The following AIG1 variants were observed in gnomAD, a reference collection of about 807,000 sequenced individuals.
AIG1 encodes androgen-induced gene 1 protein.
Under a neutral mutation model 31.4 loss-of-function variants are expected in AIG1, and 23 were observed. The ratio of observed to expected loss-of-function variants is 0.73; its 90% CI spans 0.53 to 1.04. The LOEUF (loss-of-function observed/expected upper bound fraction) is 1.04. Among genes scored for constraint, AIG1 ranks in the 50% least tolerant of loss-of-function variants. The pLI, the probability that AIG1 is intolerant of heterozygous loss-of-function variation, is 0.00. For synonymous variants in AIG1, 100 were observed against 110.5 expected (o/e 0.90, Z 0.60); for missense variants, 274 against 295.0 (o/e 0.93, Z 0.52).
At chr6:143,272,510 C>T (rs1374593846) in intron 3 of AIG1, among the ~76,000 whole-genome samples, 8 of 152,160 alleles carry the variant, frequency 5.3e-5, no homozygotes, top group Non-Finnish European at 7.3e-5. Context: ...GTGTCCACAT[C>T]GCTTCTGTTA....
chr6:143,199,897 ATAT>A (rs1562483942), intron 3 of AIG1, among the ~76,000 whole-genome samples: 1 of 152,176 alleles, frequency 6.6e-6, no homozygotes, highest in Non-Finnish European at 1.5e-5. Context: ...CCTGGATTAG[ATAT>A]TATAAGCTTT....
chr6:143,071,263 C>A (rs933575189), intron 1 of AIG1, among the ~76,000 whole-genome samples: 1 of 152,166 alleles, frequency 6.6e-6, no homozygotes, highest in African/African-American at 2.4e-5. Context: ...TTACATGTAT[C>A]AGTAGTTCGT....
At chr6:143,073,128 A>G (rs1195196375) in intron 1 of AIG1, among the ~76,000 whole-genome samples, 2 of 152,302 alleles carry the variant, frequency 1.3e-5, no homozygotes, top group East Asian at 3.9e-4. Context: ...GAGACCATGC[A>G]ATATTTTTCT....
At position 143,284,665 on chromosome 6, in the gene AIG1, C is replaced by T. The variant is rs1048911985; in HGVS notation, c.515+440C>T. On this transcript the variant is annotated intron_variant, in intron 4 of 5. Transcript: ENST00000357847. This position sits in a 1 kb window ranked among gnomAD's most constrained non-coding sequence, Gnocchi z 4.4. ...GAAACAAGTGAAAATGTATGTTTTCCCTGGTCCATTTAAAACCTACTCCAG... is the reference window on the plus strand; with the variant it reads ...GAAACAAGTGAAAATGTATGTTTTCTCTGGTCCATTTAAAACCTACTCCAG... Among the ~76,000 whole-genome samples, 10 of 152,096 alleles carry T rather than the reference C, an allele frequency of 6.6e-5. No homozygotes were observed. Among genetic ancestry groups the T allele is most frequent in the Non-Finnish European group, 4.4e-5 (3 of 68,024 alleles).
At chr6:143,323,273 A>C (rs1412595028) in intron 4 of AIG1, among the ~76,000 whole-genome samples, 1 of 152,224 alleles carries the variant, frequency 6.6e-6, no homozygotes, top group Non-Finnish European at 1.5e-5. Context: ...TGGTGACAGC[A>C]TATCCTTAAA....
rs557916336 is a variant in AIG1, at chr6:143,236,618, G to A, written c.400-47492G>A. Among the ~76,000 whole-genome samples, 29 of 152,310 alleles carry A rather than the reference G, an allele frequency of 1.9e-4. No individual in the cohort carries two copies. In the South Asian group the frequency reaches 2.3e-3, roughly 12 times the overall value. The stretch of plus-strand genomic sequence containing the variant: ...TTGAAGTCCAGCCAAGCTGGCAACC[G>A]TGGGGTTCCACTTTTACAACCTCTA... On this transcript the variant is annotated intron_variant, in intron 3 of 5. Transcript: ENST00000357847.
At chr6:143,233,955 T>A (rs1562512379) in intron 3 of AIG1, among the ~76,000 whole-genome samples, 1 of 152,246 alleles carries the variant, frequency 6.6e-6, no homozygotes, top group African/African-American at 2.4e-5. Context: ...GCCAAGTTAG[T>A]AAATTATTAG....
chr6:143,067,741 A>G (rs1776847901), intron 1 of AIG1, among the ~76,000 whole-genome samples: 1 of 152,218 alleles, frequency 6.6e-6, no homozygotes. Context: ...AGTCAAAACC[A>G]CACATTGCCA....
intron 4 of AIG1, among the ~76,000 whole-genome samples, chr6:143,296,730 G>A (rs916146324): frequency 6.6e-6 from 1 of 152,182 alleles, no homozygotes; most frequent in African/African-American, 2.4e-5. Flanking sequence ...GCTTGTTATG[G>A]GATGGAAATG....
At chr6:143,235,577 T>A (rs372027022) in intron 3 of AIG1, among the ~76,000 whole-genome samples, 15 of 152,294 alleles carry the variant, frequency 9.8e-5, no homozygotes, top group East Asian at 5.8e-4. Flanking sequence ...CATGCCATGT[T>A]CCCAGGCTCC....
rs538137385 is a variant in AIG1, at chr6:143,076,711, T to C, written c.141+15645T>C. 7.2e-5 allele frequency among the ~76,000 whole-genome samples: 11 copies of C among 151,854 alleles called. No individual in the cohort carries two copies. The East Asian group carries it at 2.1e-3, about 29-fold the overall frequency. ...TTTTTGAGATGGAGTCTTGCTTTGT[T>C]GCCCAGGGTGTAGTGCAGTGGCACG... is the stretch of plus-strand genomic sequence containing the variant. On this transcript the variant is annotated intron_variant, in intron 1 of 5. Transcript: ENST00000357847.
chr6:143,096,974 CAAATT>C (rs918402332), intron 1 of AIG1, among the ~76,000 whole-genome samples: 27 of 152,084 alleles, frequency 1.8e-4, no homozygotes, highest in Non-Finnish European at 8.8e-5. Context: ...TATATTAGCA[CAAATT>C]AAACTCATAG....
chr6:143,102,864 AAAAG>A (rs1780425764), intron 1 of AIG1, among the ~76,000 whole-genome samples: 1 of 152,156 alleles, frequency 6.6e-6, no homozygotes. Context: ...AAGGCAAACT[AAAAG>A]AAGCAAATAA....
At chr6:143,294,199 A>G (rs9496562) in intron 4 of AIG1, among the ~76,000 whole-genome samples, 9,260 of 152,148 alleles carry the variant, frequency 0.061, 749 homozygotes, top group African/African-American at 0.18. Context: ...GTTCAGTCTC[A>G]CTGCTGGATC....
chr6:143,060,609 C>G, upstream of AIG1: 1 of 448,830 alleles, frequency 2.2e-6, no homozygotes, highest in Non-Finnish European at 4.6e-6. Context: ...CGCCTCCTGG[C>G]CGGGTGTCCC....
intron 4 of AIG1, among the ~76,000 whole-genome samples, chr6:143,322,909 C>T (rs1419650558): frequency 6.6e-6 from 1 of 152,124 alleles, no homozygotes; most frequent in Non-Finnish European, 1.5e-5. Context: ...TTATATATTT[C>T]TGCATAAGGA....
intron 1 of AIG1, among the ~76,000 whole-genome samples, chr6:143,106,273 C>T (rs1007925839): frequency 6.6e-6 from 1 of 152,186 alleles, no homozygotes; most frequent in African/African-American, 2.4e-5. Context: ...AGGTTGCCAG[C>T]AAACCACCAG....
At chr6:143,287,959 CT>C (rs1178731756) in intron 4 of AIG1, among the ~76,000 whole-genome samples, 3 of 151,874 alleles carry the variant, frequency 2.0e-5, no homozygotes, top group African/African-American at 7.3e-5. Flanking sequence ...ATGAAAATAT[CT>C]TTTTTTTAAT....
intron 3 of AIG1, among the ~76,000 whole-genome samples, chr6:143,215,226 A>G (rs763600069): frequency 2.6e-4 from 40 of 152,284 alleles, no homozygotes; most frequent in Non-Finnish European, 4.6e-4. Flanking sequence ...CAGAATGCAA[A>G]TTCTTCATTC....
Sources: gnomAD v4.1 joint callset for allele counts (sites outside exome capture counted in the v4.1 genomes callset) on GRCh38, gnomAD v4.1.1 for gene constraint, Gnocchi (gnomAD v3.1) non-coding constraint, MANE v1.5 for transcripts, NCBI Gene and HGNC (gene_info 2026-07-23, HGNC 2026-07-21) for gene names.